Variants in MAN1A1 observed in about 807,000 individuals in gnomAD.
The protein encoded by MAN1A1 is mannosidase alpha class 1A member 1.
Under a neutral mutation model 70.8 loss-of-function variants are expected in MAN1A1, and 29 were observed. The ratio of observed to expected loss-of-function variants is 0.41; its 90% CI spans 0.31 to 0.56. MAN1A1 has a LOEUF of 0.56. Ranked by LOEUF, MAN1A1 falls within the 20% of genes least tolerant of loss-of-function variation. The pLI is 0.29. For synonymous variants in MAN1A1, 349 were observed against 330.1 expected, an observed-to-expected ratio of 1.06 and a Z score of -0.62; for missense variants, 747 against 841.3, an observed-to-expected ratio of 0.89 and a Z score of 1.39.
intron 5 of MAN1A1, among the ~76,000 whole-genome samples, chr6:119,289,424 A>G (rs1429729712): frequency 1.3e-5 from 2 of 151,652 alleles, no homozygotes; most frequent in African/African-American, 4.9e-5. Context: ...AATTTTAAAC[A>G]TAACTTTTTA....
At chr6:119,186,941 C>G (rs986613237) in intron 11 of MAN1A1, among the ~76,000 whole-genome samples, 1 of 152,164 alleles carries the variant, frequency 6.6e-6, no homozygotes, top group Non-Finnish European at 1.5e-5. Context: ...TGTTGTGACA[C>G]AGGGAAACGA....
At chr6:119,244,430 A>G (rs558424931) in intron 6 of MAN1A1, among the ~76,000 whole-genome samples, 3 of 152,276 alleles carry the variant, frequency 2.0e-5, no homozygotes, top group African/African-American at 4.8e-5. Flanking sequence ...GGAACTGTAT[A>G]GCATCTAGGT....
At chr6:119,191,465 G>C (rs954976519) in intron 9 of MAN1A1, among the ~76,000 whole-genome samples, 3 of 152,052 alleles carry the variant, frequency 2.0e-5, no homozygotes, top group Non-Finnish European at 4.4e-5. Context: ...TGTGGCCATG[G>C]GAAATATAAA....
Position 119,248,724 on chromosome 6 carries a change from A to C in MAN1A1, c.898-370T>G, listed in dbSNP as rs114894349. ...TTTCAATGTGCAAGCCAGTGGGAGA[A>C]CCACTGTTGTTGGAGGATAAGACCC... On this transcript the variant is annotated intron_variant, in intron 5 of 12. Coordinates refer to ENST00000368468, the MANE Select transcript of MAN1A1 (RefSeq NM_005907.4). Among the ~76,000 whole-genome samples, 437 of 152,302 alleles carry C rather than the reference A, an allele frequency of 2.9e-3. 1 individual carries two copies. The highest frequency in any genetic ancestry group is 0.01 in the African/African-American group (422 of 41,570).
At position 119,189,332 on chromosome 6, in the gene MAN1A1, A is replaced by C. The variant is rs193160629; in HGVS notation, c.1546+332T>G. On this transcript the variant is annotated intron_variant, in intron 10 of 12. Coordinates refer to ENST00000368468, the MANE Select transcript of MAN1A1 (RefSeq NM_005907.4). ...ATCTGTTTCATGGGGGATGTGGAGAAGATTAATAATGGTTAATAAAATGCT... is the reference window on the plus strand; with the variant it reads ...ATCTGTTTCATGGGGGATGTGGAGACGATTAATAATGGTTAATAAAATGCT... Among the ~76,000 whole-genome samples, 252 of 152,280 alleles carry C rather than the reference A, an allele frequency of 1.7e-3. 2 individuals are homozygous for C. Among genetic ancestry groups the C allele is most frequent in the African/African-American group, 5.9e-3 (244 of 41,552 alleles).
chr6:119,292,357 G>A (rs1483241191), intron 4 of MAN1A1, among the ~76,000 whole-genome samples: 1 of 151,882 alleles, frequency 6.6e-6, no homozygotes, highest in African/African-American at 2.4e-5. Context: ...AATATATGGA[G>A]TCAATATCTG....
intron 4 of MAN1A1, among the ~76,000 whole-genome samples, chr6:119,301,403 T>C (rs1772385230): frequency 6.6e-6 from 1 of 152,190 alleles, no homozygotes; most frequent in African/African-American, 2.4e-5. Context: ...CAGTATACAA[T>C]GGGCCATGAA....
chr6:119,262,730 G>A (rs1775643940), intron 5 of MAN1A1, among the ~76,000 whole-genome samples: 1 of 152,124 alleles, frequency 6.6e-6, no homozygotes, highest in South Asian at 2.1e-4. Context: ...CAACCTAAAT[G>A]CTCATCAGCA....
At chr6:119,221,587 C>T (rs1203542461) in intron 6 of MAN1A1, among the ~76,000 whole-genome samples, 1 of 151,218 alleles carries the variant, frequency 6.6e-6, no homozygotes, top group Non-Finnish European at 1.5e-5. Flanking sequence ...ATTCTCATGC[C>T]GTAGCCTCCC....
intron 4 of MAN1A1, among the ~76,000 whole-genome samples, chr6:119,297,647 C>A (rs1169952016): frequency 6.6e-6 from 1 of 151,202 alleles, no homozygotes; most frequent in Non-Finnish European, 1.5e-5. Context: ...ACTCTGTATG[C>A]TTGTCACAAA....
intron 2 of MAN1A1, among the ~76,000 whole-genome samples, chr6:119,331,543 C>T (rs922306012): frequency 7.1e-6 from 1 of 141,044 alleles, no homozygotes; most frequent in Non-Finnish European, 1.5e-5. Flanking sequence ...TAATTATATA[C>T]ACGCACATAA....
At chr6:119,318,514 T>C (rs1436873828) in intron 2 of MAN1A1, among the ~76,000 whole-genome samples, 2 of 152,244 alleles carry the variant, frequency 1.3e-5, no homozygotes, top group African/African-American at 4.8e-5. Context: ...TCATGTGCTG[T>C]TGATATATAT....
chr6:119,237,454 G>A (rs1162887233), intron 6 of MAN1A1, among the ~76,000 whole-genome samples: 9 of 152,108 alleles, frequency 5.9e-5, no homozygotes, highest in Non-Finnish European at 1.0e-4. Flanking sequence ...GTTTGCGTCC[G>A]TGGTACTTTT....
chr6:119,222,083 T>C (rs889462864), intron 6 of MAN1A1, among the ~76,000 whole-genome samples: 1 of 152,070 alleles, frequency 6.6e-6, no homozygotes, highest in African/African-American at 2.4e-5. Context: ...CAAAGAACAA[T>C]AATTTCCTCA....
chr6:119,306,550 CAGTT>C (rs1268022800), intron 3 of MAN1A1, among the ~76,000 whole-genome samples: 13 of 152,174 alleles, frequency 8.5e-5, no homozygotes, highest in Admixed American at 8.5e-4. Flanking sequence ...TAACAGGAAG[CAGTT>C]AGTGCAGCCC....
At chr6:119,298,697 A>C (rs1364489959) in intron 4 of MAN1A1, among the ~76,000 whole-genome samples, 1 of 151,692 alleles carries the variant, frequency 6.6e-6, no homozygotes, top group African/African-American at 2.4e-5. Flanking sequence ...CCCAGGTTCA[A>C]GCTATTCTCC....
chr6:119,251,091 T>C (rs1301869850), intron 5 of MAN1A1, among the ~76,000 whole-genome samples: 1 of 152,194 alleles, frequency 6.6e-6, no homozygotes, highest in Non-Finnish European at 1.5e-5. Context: ...ATGTTCTCAT[T>C]GCCAGGTACT....
rs1333837442 is a variant in MAN1A1, at chr6:119,229,897, T to C, written c.992+18363A>G. Among the ~76,000 whole-genome samples the C allele has an allele frequency of 2.0e-5, 3 of 152,230 alleles. No homozygotes were observed. The East Asian group carries it at 5.8e-4, about 29-fold the overall frequency. On this transcript the variant is annotated intron_variant, in intron 6 of 12. Coordinates refer to ENST00000368468, the MANE Select transcript of MAN1A1 (RefSeq NM_005907.4). ...TTCTCTTCTTCAAATTAAAGGAAGA[T>C]TCTTTTTTTAAAGTTATTTTTGACT...
chr6:119,232,989 A>G (rs1436578259), intron 6 of MAN1A1, among the ~76,000 whole-genome samples: 1 of 152,198 alleles, frequency 6.6e-6, no homozygotes, highest in Admixed American at 6.5e-5. Context: ...CTTACACCAC[A>G]AATTCCATTT....
Sources: gnomAD v4.1 joint callset for allele counts (sites outside exome capture counted in the v4.1 genomes callset) on GRCh38, gnomAD v4.1.1 for gene constraint, MANE v1.5 for transcripts, NCBI Gene and HGNC (gene_info 2026-07-23, HGNC 2026-07-21) for gene names.